CSGALNACT1: variants seen among roughly 807,000 people sequenced by gnomAD.
CSGALNACT1 encodes chondroitin sulfate N-acetylgalactosaminyltransferase 1.
CSGALNACT1 carries 52 observed loss-of-function variants against 51.0 expected under a neutral mutation model. The ratio of observed to expected loss-of-function variants is 1.02; its 90% confidence interval spans 0.82 to 1.29. The LOEUF is 1.29. CSGALNACT1 is among the 50% of genes most tolerant of loss of function. CSGALNACT1 has a pLI of 0.00. For synonymous variants in CSGALNACT1, 341 were observed against 254.4 expected, an observed-to-expected ratio of 1.34 and a Z score of -3.24; for missense variants, 935 against 679.2, an observed-to-expected ratio of 1.38 and a Z score of -4.19.
intron 1 of CSGALNACT1, among the ~76,000 whole-genome samples, chr8:19,644,115 GTTT>G (rs1170736279): frequency 6.6e-6 from 1 of 152,124 alleles, no homozygotes; most frequent in African/African-American, 2.4e-5. Flanking sequence ...ATGTTTATGA[GTTT>G]TTAATAGAAA....
At chr8:19,421,949 C>A (rs1441968263) in intron 6 of CSGALNACT1, among the ~76,000 whole-genome samples, 2 of 152,060 alleles carry the variant, frequency 1.3e-5, no homozygotes, top group Non-Finnish European at 2.9e-5. Context: ...TAGAACTGTG[C>A]CTGGGGCCCC....
upstream of CSGALNACT1, among the ~76,000 whole-genome samples, chr8:19,604,804 A>C (rs1258298184): frequency 6.6e-6 from 1 of 150,636 alleles, no homozygotes; most frequent in African/African-American, 2.4e-5. Context: ...AGTCTCAGCT[A>C]CTCAGGAGGT....
intron 1 of CSGALNACT1, among the ~76,000 whole-genome samples, chr8:19,720,296 A>G (rs1272948475): frequency 6.6e-6 from 1 of 152,194 alleles, no homozygotes; most frequent in East Asian, 1.9e-4. Context: ...GAGATAAATA[A>G]GACGCGATCC....
At chr8:19,571,465 A>C (rs1305720749) in intron 3 of CSGALNACT1, among the ~76,000 whole-genome samples, 1 of 148,436 alleles carries the variant, frequency 6.7e-6, no homozygotes, top group Non-Finnish European at 1.5e-5. Flanking sequence ...CCAAAACAAA[A>C]ACAAAAACAA....
intron 4 of CSGALNACT1, among the ~76,000 whole-genome samples, chr8:19,497,121 G>T (rs1192521278): frequency 6.6e-6 from 1 of 152,200 alleles, no homozygotes; most frequent in African/African-American, 2.4e-5. Flanking sequence ...CTAAGACCCA[G>T]TGACGTGGTA....
At chr8:19,662,893 T>C (rs1322913330) in intron 1 of CSGALNACT1, among the ~76,000 whole-genome samples, 1 of 152,130 alleles carries the variant, frequency 6.6e-6, no homozygotes, top group Non-Finnish European at 1.5e-5. Context: ...CTCTGAGCCT[T>C]CAACCACTCC....
chr8:19,607,554 C>G (rs890716370), intron 1 of CSGALNACT1, among the ~76,000 whole-genome samples: 1 of 152,184 alleles, frequency 6.6e-6, no homozygotes, highest in African/African-American at 2.4e-5. Flanking sequence ...ATTAGACACC[C>G]TTTTCCAGTA....
At chr8:19,443,503 C>T (rs1463879235) in intron 5 of CSGALNACT1, among the ~76,000 whole-genome samples, 1 of 152,134 alleles carries the variant, frequency 6.6e-6, no homozygotes, top group Non-Finnish European at 1.5e-5. Flanking sequence ...GGAGGTCTCA[C>T]AATCATGGCA....
chr8:19,417,783 G>GA (rs1224024215), intron 8 of CSGALNACT1, among the ~76,000 whole-genome samples: 4 of 152,166 alleles, frequency 2.6e-5, no homozygotes, highest in Admixed American at 2.0e-4. Context: ...CTCCCCGCAG[G>GA]AAAAAATCAC....
At chr8:19,679,044 G>C (rs144406633) in intron 1 of CSGALNACT1, among the ~76,000 whole-genome samples, 1 of 152,076 alleles carries the variant, frequency 6.6e-6, no homozygotes, top group South Asian at 2.1e-4. Flanking sequence ...TCTTACAAAC[G>C]TTATGCAATC....
intron 6 of CSGALNACT1, among the ~76,000 whole-genome samples, chr8:19,435,042 C>T (rs79115371): frequency 0.011 from 1,644 of 152,230 alleles, 31 homozygotes; most frequent in African/African-American, 0.038. Context: ...ATCACATACA[C>T]TCTGGCAGGG....
chr8:19,675,594 G>C (rs1477692637), intron 1 of CSGALNACT1, among the ~76,000 whole-genome samples: 3 of 152,148 alleles, frequency 2.0e-5, no homozygotes, highest in Admixed American at 1.3e-4. Context: ...CTGAGTTCAA[G>C]TGATTCTCCT....
intron 4 of CSGALNACT1, among the ~76,000 whole-genome samples, chr8:19,474,875 A>T (rs2153885521): frequency 1.3e-5 from 2 of 150,638 alleles, no homozygotes; most frequent in South Asian, 4.2e-4. Flanking sequence ...CTCAGAAAAA[A>T]AAAAAAAAAA....
chr8:19,432,772 G>C (rs149601334), intron 6 of CSGALNACT1, among the ~76,000 whole-genome samples: 1 of 151,654 alleles, frequency 6.6e-6, no homozygotes, highest in Admixed American at 6.6e-5. Context: ...ATTTCTATTT[G>C]GTTCTTTTAA....
At chr8:19,750,814 C>A (rs1399408856) in intron 1 of CSGALNACT1, among the ~76,000 whole-genome samples, 1 of 152,158 alleles carries the variant, frequency 6.6e-6, no homozygotes, top group Non-Finnish European at 1.5e-5. Flanking sequence ...GCATGAATGG[C>A]TGACTCCAGC....
At chr8:19,559,431 C>T (rs1443024582) in intron 3 of CSGALNACT1, among the ~76,000 whole-genome samples, 1 of 152,136 alleles carries the variant, frequency 6.6e-6, no homozygotes, top group Non-Finnish European at 1.5e-5. Flanking sequence ...AAGATGCCTA[C>T]CATCCGCACT....
intron 3 of CSGALNACT1, among the ~76,000 whole-genome samples, chr8:19,569,658 C>T (rs1054544440): frequency 1.3e-5 from 2 of 152,162 alleles, no homozygotes; most frequent in East Asian, 1.9e-4. Flanking sequence ...ATTGATATAA[C>T]CAATCTGTAA....
chr8:19,506,189 C>T, intron 3 of CSGALNACT1, 59 bp from the exon 3 acceptor site: 1 of 480,644 alleles, frequency 2.1e-6, no homozygotes, highest in Non-Finnish European at 4.0e-6. Context: ...CCTCATGTTC[C>T]CTACGGCAAT....
At chr8:19,546,487 T>C (rs574903009) in intron 3 of CSGALNACT1, among the ~76,000 whole-genome samples, 38 of 152,280 alleles carry the variant, frequency 2.5e-4, no homozygotes, top group African/African-American at 8.2e-4. Flanking sequence ...TTCAATGAAA[T>C]AGGGAAGTAT....
Sources: allele counts gnomAD v4.1 joint callset (sites outside exome capture counted in the v4.1 genomes callset), GRCh38; gene constraint gnomAD v4.1.1; transcripts MANE v1.5; gene names NCBI Gene and HGNC (gene_info 2026-07-23, HGNC 2026-07-21).